ROBO1: variants seen among roughly 807,000 people sequenced by gnomAD.
The protein encoded by ROBO1 is roundabout guidance receptor 1.
Under a neutral mutation model 195.9 loss-of-function variants are expected in ROBO1, and 149 were observed. The ratio of observed to expected loss-of-function variants is 0.76; its 90% CI spans 0.67 to 0.87. ROBO1 has a LOEUF of 0.87. Ranked by LOEUF, ROBO1 falls within the 40% of genes least tolerant of loss-of-function variation. The probability of loss-of-function intolerance (pLI) is 0.00; values close to 1 mark genes in which losing one functional copy is unlikely to be tolerated. For synonymous variants in ROBO1, 816 were observed against 733.2 expected, an observed-to-expected ratio of 1.11 and a Z score of -1.82; for missense variants, 1,933 against 2,068.3, an observed-to-expected ratio of 0.93 and a Z score of 1.27.
chr3:78,623,758 T>C (rs989640408), intron 26 of ROBO1, among the ~76,000 whole-genome samples: 13 of 152,128 alleles, frequency 8.5e-5, no homozygotes, highest in African/African-American at 2.9e-4. Flanking sequence ...GCTGGAGATA[T>C]GTGTATCACT....
chr3:78,634,258 T>G (rs1406938605), intron 23 of ROBO1, among the ~76,000 whole-genome samples: 1 of 151,554 alleles, frequency 6.6e-6, no homozygotes, highest in Non-Finnish European at 1.5e-5. Flanking sequence ...TAATATAATA[T>G]CAATATGATT....
intron 2 of ROBO1, among the ~76,000 whole-genome samples, chr3:79,448,238 T>C (rs560487761): frequency 6.6e-6 from 1 of 152,348 alleles, no homozygotes; most frequent in East Asian, 1.9e-4. Flanking sequence ...TTTGTGATTC[T>C]ATCATGGTAT....
chr3:78,638,897 G>C (rs1475707439), intron 22 of ROBO1, among the ~76,000 whole-genome samples: 2 of 151,726 alleles, frequency 1.3e-5, no homozygotes, highest in Non-Finnish European at 2.9e-5. Context: ...AAGCAAAAAA[G>C]GTAAAAGAAA....
Position 79,642,613 on chromosome 3 carries a change from A to C in ROBO1, c.-50-52652T>G, listed in dbSNP as rs111570195. Among the ~76,000 whole-genome samples, 374 of 152,284 alleles carry C rather than the reference A, an allele frequency of 2.5e-3. 1 individual carries two copies. Among genetic ancestry groups the C allele is most frequent in the African/African-American group, 8.5e-3 (353 of 41,578 alleles). On this transcript the variant is annotated intron_variant, in intron 1 of 30. Transcript: ENST00000464233. ...ACCATATAGACTAAGAAGAAGTGAGATGGCTTTTTCAAAGTAAAATATTGC... is the reference window on the plus strand; with the variant it reads ...ACCATATAGACTAAGAAGAAGTGAGCTGGCTTTTTCAAAGTAAAATATTGC...
intron 1 of ROBO1, among the ~76,000 whole-genome samples, chr3:79,707,948 T>C (rs1560118354): frequency 1.3e-5 from 2 of 152,188 alleles, no homozygotes; most frequent in African/African-American, 2.4e-5. Context: ...ACATAACTTA[T>C]ATTGGCTCTA....
intron 2 of ROBO1, among the ~76,000 whole-genome samples, chr3:79,303,260 G>A (rs962026269): frequency 2.0e-5 from 3 of 148,288 alleles, no homozygotes; most frequent in African/African-American, 7.5e-5. Flanking sequence ...TCCACCTCCT[G>A]GGTTCAAGTG....
chr3:79,103,135 A>C (rs1002592560), intron 3 of ROBO1, among the ~76,000 whole-genome samples: 1 of 151,826 alleles, frequency 6.6e-6, no homozygotes, highest in African/African-American at 2.4e-5. Flanking sequence ...CATCTAATTA[A>C]ATCTAATTAT....
At chr3:79,760,367 G>A (rs1196537069) in intron 1 of ROBO1, among the ~76,000 whole-genome samples, 2 of 142,504 alleles carry the variant, frequency 1.4e-5, no homozygotes, top group Non-Finnish European at 3.0e-5. Flanking sequence ...AAGGAAAAAT[G>A]TAATAAAAGG....
At chr3:78,742,627 A>G (rs1157538695) in intron 5 of ROBO1, among the ~76,000 whole-genome samples, 2 of 152,248 alleles carry the variant, frequency 1.3e-5, no homozygotes, top group Admixed American at 1.3e-4. Context: ...TAATTTATAC[A>G]AAACACACAG....
intron 2 of ROBO1, among the ~76,000 whole-genome samples, chr3:79,295,099 T>C (rs1023590178): frequency 6.6e-6 from 1 of 152,178 alleles, no homozygotes; most frequent in Non-Finnish European, 1.5e-5. Context: ...TATTACTGGG[T>C]ATATACCCAA....
At chr3:79,480,652 A>G (rs1395895191) in intron 2 of ROBO1, among the ~76,000 whole-genome samples, 1 of 152,138 alleles carries the variant, frequency 6.6e-6, no homozygotes, top group Non-Finnish European at 1.5e-5. Context: ...TTGGTTTAAC[A>G]AATATAAATT....
At chr3:79,249,370 G>C (rs2082679886) in intron 2 of ROBO1, among the ~76,000 whole-genome samples, 2 of 152,048 alleles carry the variant, frequency 1.3e-5, no homozygotes, top group South Asian at 4.1e-4. Flanking sequence ...CTTACTTTTT[G>C]GTTTCAAAAC....
chr3:78,987,128 GC>G (rs1428584058), intron 3 of ROBO1, among the ~76,000 whole-genome samples: 3 of 31,964 alleles, frequency 9.4e-5, no homozygotes, highest in African/African-American at 1.3e-4. Flanking sequence ...AAAAAAAACT[GC>G]TTTTTTTTTT....
intron 3 of ROBO1, among the ~76,000 whole-genome samples, chr3:79,121,832 C>T (rs1370622808): frequency 6.6e-6 from 1 of 151,806 alleles, no homozygotes; most frequent in African/African-American, 2.4e-5. Context: ...TGTTAAATTC[C>T]TTTCCTGATT....
intron 3 of ROBO1, among the ~76,000 whole-genome samples, chr3:78,992,743 TAA>T (rs1416769257): frequency 6.6e-6 from 1 of 151,922 alleles, no homozygotes; most frequent in African/African-American, 2.4e-5. Context: ...CCAAGACAAG[TAA>T]AAAAAGAGTC....
intron 2 of ROBO1, among the ~76,000 whole-genome samples, chr3:79,406,404 C>T (rs2037550700): frequency 6.6e-6 from 1 of 150,520 alleles, no homozygotes; most frequent in Admixed American, 6.6e-5. Flanking sequence ...GCACCCCAGA[C>T]TGGGTGGCAG....
chr3:79,433,069 T>C (rs959933334), intron 2 of ROBO1, among the ~76,000 whole-genome samples: 2 of 152,180 alleles, frequency 1.3e-5, no homozygotes. Flanking sequence ...TGTGGGTATG[T>C]TACATAGTTA....
intron 2 of ROBO1, among the ~76,000 whole-genome samples, chr3:79,499,184 G>A (rs937926056): frequency 1.3e-5 from 2 of 152,042 alleles, no homozygotes; most frequent in Non-Finnish European, 1.5e-5. Context: ...TAGTAGAGAC[G>A]GGGTTTCGCC....
chr3:78,806,740 C>G (rs1177840730), intron 4 of ROBO1, among the ~76,000 whole-genome samples: 1 of 152,090 alleles, frequency 6.6e-6, no homozygotes, highest in Non-Finnish European at 1.5e-5. Context: ...TGATTTAGAT[C>G]TTCTAAAGTA....
Sources: allele counts gnomAD v4.1 joint callset (sites outside exome capture counted in the v4.1 genomes callset), GRCh38; gene constraint gnomAD v4.1.1; transcripts MANE v1.5; gene names NCBI Gene and HGNC (gene_info 2026-07-23, HGNC 2026-07-21).